The following TRIOBP variants were observed in gnomAD, a reference collection of about 807,000 sequenced individuals.
TRIOBP encodes the protein TRIO and F-actin-binding protein.
TRIOBP carries 169 observed loss-of-function variants against 238.8 expected under a neutral mutation model. The ratio of observed to expected loss-of-function variants is 0.71; its 90% CI spans 0.62 to 0.80. TRIOBP has a LOEUF of 0.80. Ranked by LOEUF, TRIOBP falls within the 30% of genes least tolerant of loss-of-function variation. The probability of loss-of-function intolerance (pLI) is 0.00; values close to 1 mark genes in which losing one functional copy is unlikely to be tolerated. For missense variants in TRIOBP, 2,838 were observed against 3,122.6 expected (o/e 0.91, Z 2.17); for synonymous variants, 1,150 against 1,274.4 (o/e 0.90, Z 2.08).
At chr22:37,713,502 A>G (rs905607607) in intron 5 of TRIOBP, 91 bp downstream of exon 5, 4 of 1,487,888 alleles carry the variant, frequency 2.7e-6, no homozygotes, top group Middle Eastern at 1.8e-4. Flanking sequence ...GCCAGGGCTG[A>G]GCCTCACACC....
chr22:37,732,554 T>C (rs1488090287), intron 7 of TRIOBP, among the ~76,000 whole-genome samples: 1 of 151,230 alleles, frequency 6.6e-6, no homozygotes, highest in Non-Finnish European at 1.5e-5. Context: ...CAGTTTATGT[T>C]GGCCTCTCTG....
chr22:37,705,650 A>G (rs1922905655), intron 3 of TRIOBP, among the ~76,000 whole-genome samples: 1 of 151,624 alleles, frequency 6.6e-6, no homozygotes, highest in African/African-American at 2.4e-5. Flanking sequence ...ATCTCGGCTC[A>G]CTGCAACCTC....
chr22:37,698,218 A>G (rs865829190), intron 2 of TRIOBP, among the ~76,000 whole-genome samples: 14 of 104,142 alleles, frequency 1.3e-4, no homozygotes, highest in African/African-American at 3.2e-4. Context: ...AAAAAAAAAA[A>G]GAAAGAAAGA....
Position 37,771,700 on chromosome 22 carries a change from G to A in TRIOBP, c.6900G>A (p.Val2300=). The A allele has an allele frequency of 6.2e-7, 1 of 1,614,160 alleles. No individual in the cohort carries two copies. The highest frequency in any genetic ancestry group is 8.5e-7 in the Non-Finnish European group (1 of 1,180,008). ...ENELQYLKKE[V]QCLRDELQMM... is the part of the protein sequence containing the mutation. ...AACTCCAGTACCTAAAGAAGGAGGT[G>A]CAGTGCCTCCGGGACGAGCTCCAGA... Residue 2300 remains valine, a synonymous_variant, in exon 22 of 24, where the codon GTG becomes GTA. Coordinates refer to ENST00000644935, the MANE Select transcript of TRIOBP (RefSeq NM_001039141.3).
intron 5 of TRIOBP, among the ~76,000 whole-genome samples, chr22:37,714,820 G>C (rs897531560): frequency 6.6e-6 from 1 of 151,976 alleles, no homozygotes; most frequent in Non-Finnish European, 1.5e-5. Context: ...GGGACTATAG[G>C]CATGCACAAC....
intron 11 of TRIOBP, among the ~76,000 whole-genome samples, chr22:37,747,602 T>C (rs1925352995): frequency 6.6e-6 from 1 of 152,220 alleles, no homozygotes; most frequent in African/African-American, 2.4e-5. Flanking sequence ...AGCCTCCCCT[T>C]TTCTGTCAGG....
intron 15 of TRIOBP, among the ~76,000 whole-genome samples, chr22:37,756,632 G>T (rs1181829260): frequency 1.3e-5 from 2 of 152,216 alleles, no homozygotes; most frequent in African/African-American, 4.8e-5. Context: ...CTTCAGAACA[G>T]CCCCGAGGTA....
chr22:37,721,484 G>A (rs886314419), intron 6 of TRIOBP, among the ~76,000 whole-genome samples: 4 of 152,204 alleles, frequency 2.6e-5, no homozygotes, highest in African/African-American at 7.2e-5. Flanking sequence ...TTTTTGTTTC[G>A]TTTTTTGTTT....
intron 17 of TRIOBP, chr22:37,759,704 G>C (rs1418168131): frequency 6.7e-7 from 1 of 1,498,794 alleles, no homozygotes; most frequent in Non-Finnish European, 8.9e-7. Flanking sequence ...CTGCAGGACA[G>C]GGGAGCCTCC....
At position 37,725,677 on chromosome 22, in the gene TRIOBP, T is replaced by C; in HGVS notation, c.3121T>C (p.Phe1041Leu). The C allele has an allele frequency of 1.2e-6, 2 of 1,606,436 alleles. No homozygotes were observed. Among genetic ancestry groups the C allele is most frequent in the Non-Finnish European group, 8.5e-7 (1 of 1,177,320 alleles). Residue 1041 changes from phenylalanine (F) to leucine (L), a missense_variant, in exon 7 of 24, where the codon TTC becomes CTC. Coordinates refer to ENST00000644935, the MANE Select transcript of TRIOBP (RefSeq NM_001039141.3). ...RYLQHDPFPF[F>L]PEPRAPESEP... ...TTTGCAGCACGACCCCTTCCCCTTC[T>C]TCCCAGAGCCCCGCGCCCCTGAGAG... is the stretch of plus-strand genomic sequence containing the variant.
chr22:37,701,339 G>A lies in TRIOBP; in HGVS notation c.-27G>A. The A allele has an allele frequency of 1.3e-6, 2 of 1,576,940 alleles. No individual in the cohort carries two copies. The highest frequency in any genetic ancestry group is 2.2e-5 in the East Asian group (1 of 44,526). On this transcript the variant is annotated 5_prime_UTR_variant, in exon 3 of 24. Coordinates refer to ENST00000644935, the MANE Select transcript of TRIOBP (RefSeq NM_001039141.3). ...TAGACGGTCAGCCATTGGATCATAGGAACTGCCCTGGCCTGACTCACCCAA... is the reference window on the plus strand; with the variant it reads ...TAGACGGTCAGCCATTGGATCATAGAAACTGCCCTGGCCTGACTCACCCAA...
At chr22:37,719,989 C>CACACTGCA (rs367687004) in intron 6 of TRIOBP, among the ~76,000 whole-genome samples, 10 of 71,262 alleles carry the variant, frequency 1.4e-4, no homozygotes, top group South Asian at 6.2e-4. Flanking sequence ...TTTCACTCAT[C>CACACTGCA]CCCCCCCGCC....
chr22:37,716,543 C>A (rs1923530146), intron 6 of TRIOBP, among the ~76,000 whole-genome samples: 1 of 152,174 alleles, frequency 6.6e-6, no homozygotes, highest in African/African-American at 2.4e-5. Context: ...GATTCTCCTG[C>A]CTCAGCCTCC....
chr22:37,715,932 A>G lies in TRIOBP; in HGVS notation c.626A>G (p.Glu209Gly). The G allele has an allele frequency of 6.2e-7, 1 of 1,612,398 alleles. No individual in the cohort carries two copies. The highest frequency in any genetic ancestry group is 8.5e-7 in the Non-Finnish European group (1 of 1,179,806). ...VGGDAAGQKK[E>G]DTGGGGRSAG... ...GGAGATGCTGCAGGCCAGAAAAAGG[A>G]GGGTGAGTCCTTCTGCCAGGTTGGT... Residue 209 changes from glutamate to glycine, a missense_variant and splice_region_variant, in exon 6 of 24, where the codon GAG becomes GGG. Physicochemically the swap from Glu to Gly is moderately conservative, Grantham distance 98. Around this residue, in one of 5 missense-constraint regions of TRIOBP, gnomAD observed 535 missense variants for 537.3 expected, o/e 1.00. Transcript: ENST00000644935.
chr22:37,765,059 G>A (rs891954644), intron 17 of TRIOBP, among the ~76,000 whole-genome samples: 4 of 152,216 alleles, frequency 2.6e-5, no homozygotes, highest in Admixed American at 2.6e-4. Flanking sequence ...AAGGCCGGCA[G>A]ATCACAAGGT....
chr22:37,723,096 A>T, intron 6 of TRIOBP, 89 bp from the exon 7 acceptor site: 2 of 1,394,516 alleles, frequency 1.4e-6, no homozygotes, highest in Non-Finnish European at 2.0e-6. Context: ...GTTTGCCCTA[A>T]TCACTGGTCC....
intron 6 of TRIOBP, 21 bp downstream of exon 6, chr22:37,715,955 G>A: frequency 6.2e-7 from 1 of 1,611,608 alleles, no homozygotes; most frequent in Non-Finnish European, 8.5e-7. Flanking sequence ...CTGCCAGGTT[G>A]GTTCCCATGG....
At chr22:37,745,633 ACTC>A (rs1925183192) in intron 11 of TRIOBP, among the ~76,000 whole-genome samples, 1 of 152,100 alleles carries the variant, frequency 6.6e-6, no homozygotes, top group Non-Finnish European at 1.5e-5. Flanking sequence ...TGTCCAGCTT[ACTC>A]GCTAGGAATT....
chr22:37,720,744 C>T (rs1045497218), intron 6 of TRIOBP, among the ~76,000 whole-genome samples: 2 of 152,080 alleles, frequency 1.3e-5, no homozygotes, highest in African/African-American at 4.8e-5. Flanking sequence ...AACTCCTGGG[C>T]TCAAGCAATC....
Sources: gnomAD v4.1 joint callset for allele counts (sites outside exome capture counted in the v4.1 genomes callset) on GRCh38, gnomAD v4.1.1 for gene constraint, gnomAD v4.1.1 regional missense constraint, MANE v1.5 for transcripts, NCBI Gene and HGNC (gene_info 2026-07-23, HGNC 2026-07-21) for gene names.